The following CNTNAP2 variants were observed in gnomAD, a reference collection of about 807,000 sequenced individuals.
CNTNAP2 encodes the protein contactin-associated protein-like 2.
Under a neutral mutation model 155.2 loss-of-function variants are expected in CNTNAP2, and 98 were observed. The observed-to-expected ratio is 0.63, with a 90% confidence interval of 0.54 to 0.75. The LOEUF (loss-of-function observed/expected upper bound fraction) is 0.75, where lower values mean the gene tolerates loss of function less well. Among genes scored for constraint, CNTNAP2 ranks in the 30% least tolerant of loss-of-function variants. The pLI is 0.00. For missense variants in CNTNAP2, 1,727 were observed against 1,688.1 expected (o/e 1.02, Z -0.40); for synonymous variants, 651 against 631.2 (o/e 1.03, Z -0.47).
intron 13 of CNTNAP2, among the ~76,000 whole-genome samples, chr7:147,892,057 G>A (rs746683101): frequency 1.3e-5 from 2 of 152,054 alleles, no homozygotes; most frequent in African/African-American, 4.8e-5. Context: ...AATAAGAGCA[G>A]ACAAAGGATT....
intron 3 of CNTNAP2, among the ~76,000 whole-genome samples, chr7:146,969,219 C>G (rs1005519225): frequency 6.6e-6 from 1 of 152,046 alleles, no homozygotes; most frequent in African/African-American, 2.4e-5. Context: ...CTGAGGAGAA[C>G]TTTACTTCCA....
At chr7:148,320,196 G>T (rs1222711767) in intron 21 of CNTNAP2, among the ~76,000 whole-genome samples, 1 of 152,006 alleles carries the variant, frequency 6.6e-6, no homozygotes, top group African/African-American at 2.4e-5. Context: ...CCTGGGCCGT[G>T]TCACCAATCA....
intron 8 of CNTNAP2, among the ~76,000 whole-genome samples, chr7:147,148,654 T>C (rs1424636604): frequency 1.3e-5 from 2 of 150,490 alleles, no homozygotes; most frequent in Admixed American, 1.3e-4. Context: ...CCGAAGTTTC[T>C]TCCTTCCTGT....
At chr7:147,839,966 C>T (rs1798702296) in intron 13 of CNTNAP2, among the ~76,000 whole-genome samples, 2 of 114,234 alleles carry the variant, frequency 1.8e-5, no homozygotes, top group Admixed American at 1.9e-4. Flanking sequence ...ATATATATAC[C>T]ATGGAATACT....
intron 1 of CNTNAP2, among the ~76,000 whole-genome samples, chr7:146,192,566 G>A (rs4327781): frequency 0.29 from 43,767 of 151,690 alleles, 7,112 homozygotes; most frequent in African/African-American, 0.44. Flanking sequence ...TATCTCATGC[G>A]ACATATTCAC....
intron 14 of CNTNAP2, among the ~76,000 whole-genome samples, chr7:147,963,011 G>A (rs2710082): frequency 0.38 from 57,908 of 151,448 alleles, 12,575 homozygotes; most frequent in Middle Eastern, 0.64. Context: ...TTCACAGTGC[G>A]AAGTGTCTGC....
chr7:148,058,302 C>T (rs548472127), intron 15 of CNTNAP2, among the ~76,000 whole-genome samples: 9 of 152,160 alleles, frequency 5.9e-5, no homozygotes, highest in East Asian at 3.9e-4. Flanking sequence ...CAGGCAGATG[C>T]GAATACATGC....
chr7:146,128,551 C>T (rs189519413), intron 1 of CNTNAP2, among the ~76,000 whole-genome samples: 325 of 152,162 alleles, frequency 2.1e-3, no homozygotes, highest in Middle Eastern at 3.4e-3. Flanking sequence ...AAGACTTAGT[C>T]GCTACTACTT....
chr7:148,314,927 T>C (rs1453167183), intron 21 of CNTNAP2, among the ~76,000 whole-genome samples: 1 of 152,142 alleles, frequency 6.6e-6, no homozygotes, highest in Non-Finnish European at 1.5e-5. Flanking sequence ...CTCCTTCGTC[T>C]CTACCAGAAA....
intron 1 of CNTNAP2, among the ~76,000 whole-genome samples, chr7:146,303,790 G>C (rs1399081457): frequency 6.6e-6 from 1 of 152,086 alleles, no homozygotes; most frequent in African/African-American, 2.4e-5. Context: ...GGTCTGCTTG[G>C]TGCAGAGCTG....
intron 3 of CNTNAP2, among the ~76,000 whole-genome samples, chr7:146,927,255 C>A (rs1563005261): frequency 1.3e-5 from 2 of 152,120 alleles, no homozygotes; most frequent in Non-Finnish European, 2.9e-5. Context: ...TTTCACATTT[C>A]TTAAAATGTA....
chr7:147,925,023 G>A (rs1301152420), intron 14 of CNTNAP2, among the ~76,000 whole-genome samples: 1 of 151,912 alleles, frequency 6.6e-6, no homozygotes, highest in East Asian at 1.9e-4. Context: ...GGAGGCTGAG[G>A]CAGGAGAATT....
chr7:146,470,480 C>G (rs1480374540), intron 1 of CNTNAP2, among the ~76,000 whole-genome samples: 1 of 152,162 alleles, frequency 6.6e-6, no homozygotes, highest in Non-Finnish European at 1.5e-5. Flanking sequence ...GAGACTTGCC[C>G]AGATATTGCC....
At chr7:147,414,340 C>G (rs1797151853) in intron 10 of CNTNAP2, among the ~76,000 whole-genome samples, 1 of 150,422 alleles carries the variant, frequency 6.6e-6, no homozygotes, top group African/African-American at 2.5e-5. Context: ...AGGAGAATTG[C>G]TTGTACCTGG....
chr7:148,055,293 T>A (rs1802985864), intron 15 of CNTNAP2, among the ~76,000 whole-genome samples: 1 of 152,228 alleles, frequency 6.6e-6, no homozygotes, highest in Non-Finnish European at 1.5e-5. Context: ...CTCCTGATGG[T>A]AACTGATCAC....
chr7:146,283,756 G>C lies in CNTNAP2; in HGVS notation c.97+166783G>C, dbSNP rs531420058. ...ATATTTAATATATGGATAGACACTGGTGTTTCCACTTCCATATGTCACATG... is the reference window on the plus strand; with the variant it reads ...ATATTTAATATATGGATAGACACTGCTGTTTCCACTTCCATATGTCACATG... On this transcript the variant is annotated intron_variant, in intron 1 of 23. Coordinates refer to ENST00000361727, the MANE Select transcript of CNTNAP2 (RefSeq NM_014141.6). Among the ~76,000 whole-genome samples, 4 of 152,234 alleles carry C rather than the reference G, an allele frequency of 2.6e-5. No homozygotes were observed. In the East Asian group the frequency reaches 7.7e-4, roughly 29 times the overall value.
At chr7:148,413,864 A>T (rs551806723) in intron 23 of CNTNAP2, among the ~76,000 whole-genome samples, 21 of 152,052 alleles carry the variant, frequency 1.4e-4, no homozygotes, top group Non-Finnish European at 2.5e-4. Context: ...TCTCATATTA[A>T]CGTAGCTATT....
At chr7:146,169,083 C>A (rs1214423374) in intron 1 of CNTNAP2, among the ~76,000 whole-genome samples, 1 of 152,176 alleles carries the variant, frequency 6.6e-6, no homozygotes, top group Non-Finnish European at 1.5e-5. Context: ...GCACCTTTGC[C>A]ACTTTCTGCT....
At chr7:146,272,191 C>T (rs2129083489) in intron 1 of CNTNAP2, among the ~76,000 whole-genome samples, 1 of 152,258 alleles carries the variant, frequency 6.6e-6, no homozygotes, top group East Asian at 1.9e-4. Flanking sequence ...ACACGTCCTT[C>T]TTCACATGGC....
Sources: gnomAD v4.1 joint callset for allele counts (sites outside exome capture counted in the v4.1 genomes callset) on GRCh38, gnomAD v4.1.1 for gene constraint, MANE v1.5 for transcripts, NCBI Gene and HGNC (gene_info 2026-07-23, HGNC 2026-07-21) for gene names.